PRAME: variants seen among roughly 807,000 people sequenced by gnomAD.
The protein encoded by PRAME is PRAME nuclear receptor transcriptional regulator.
PRAME carries 21 observed loss-of-function variants against 32.1 expected under a neutral mutation model. The ratio of observed to expected loss-of-function variants is 0.65; its 90% confidence interval spans 0.46 to 0.94. PRAME has a LOEUF of 0.94. Ranked by LOEUF, PRAME falls within the 40% of genes least tolerant of loss-of-function variation. PRAME has a pLI of 0.00. For missense variants in PRAME, 651 were observed against 622.3 expected (o/e 1.05, Z -0.49); for synonymous variants, 274 against 251.5 (o/e 1.09, Z -0.85).
intron 3 of PRAME, chr22:22,554,238 C>A: frequency 2.0e-6 from 2 of 985,180 alleles, no homozygotes; most frequent in South Asian, 4.7e-5. Flanking sequence ...CTGCCTCATG[C>A]ACTGTGAAGT....
intron 3 of PRAME, among the ~76,000 whole-genome samples, chr22:22,556,270 T>C (rs972828974): frequency 3.3e-5 from 5 of 151,934 alleles, no homozygotes; most frequent in Non-Finnish European, 5.9e-5. Flanking sequence ...CCCATGGTAC[T>C]GGGATTGGGA....
At chr22:22,554,292 G>A (rs987392872) in intron 3 of PRAME, 1 of 971,984 alleles carries the variant, frequency 1.0e-6, no homozygotes, top group Non-Finnish European at 1.2e-6. Context: ...CAGCTGGAAT[G>A]TCTTGCGGCC....
In PRAME at chr22:22,550,772, G is replaced by A. The variant is rs748633168; in HGVS notation, c.339C>T (p.Arg113=). 6.3e-7 allele frequency: 1 copy of A among 1,578,282 alleles called. No individual in the cohort carries two copies. Among genetic ancestry groups the A allele is most frequent in the East Asian group, 2.3e-5 (1 of 44,356 alleles). ...GLDVLLAQEV[R]PRRWKLQVLD... is the part of the protein sequence containing the mutation. ...AGCTGCTAGGTCACCCTTACCTGGGGCGAACCTCCTGGGCAAGGAGCACAT... is the reference window on the plus strand; with the variant it reads ...AGCTGCTAGGTCACCCTTACCTGGGACGAACCTCCTGGGCAAGGAGCACAT... Residue 113 remains arginine, a synonymous_variant, in exon 4 of 6, where the codon CGC becomes CGT. Transcript: ENST00000405655.
chr22:22,550,008 T>C lies in PRAME; in HGVS notation c.671A>G (p.Lys224Arg), dbSNP rs143423060. ...CAGCTGCACCATTTTCAGGATCATC[T>C]TGATATCCTGCATGGGCATTGCAAA... Reference protein sequence around the residue: ...KIFAMPMQDIKMILKMVQLDS... With the variant: ...KIFAMPMQDIRMILKMVQLDS... The change falls in exon 5 of 6, where the codon AAG (lysine) becomes AGG (arginine). Residue 224 changes from lysine (K) to arginine (R), a missense_variant. Transcript: ENST00000405655. 1.4e-4 allele frequency: 227 copies of C among 1,613,892 alleles called. No individual in the cohort carries two copies. The highest frequency in any genetic ancestry group is 1.8e-4 in the Non-Finnish European group (216 of 1,179,960).
chr22:22,556,735 C>T (rs367557165), intron 3 of PRAME, 77 bp downstream of exon 3: 1 of 1,565,536 alleles, frequency 6.4e-7, no homozygotes, highest in African/African-American at 1.4e-5. Context: ...ATGCAGCTCC[C>T]ATCTGGCTCG....
chr22:22,554,334 G>A (rs1569225941), intron 3 of PRAME: 1 of 804,322 alleles, frequency 1.2e-6, no homozygotes, highest in Non-Finnish European at 1.5e-6. Flanking sequence ...GCGTAAGGAG[G>A]CTGTAATTCG....
rs950655672 is a variant in PRAME, at chr22:22,549,653, A to G, written c.953+73T>C. On this transcript the variant is annotated intron_variant, in intron 5 of 5. Coordinates refer to ENST00000405655, the MANE Select transcript of PRAME (RefSeq NM_206956.3). ...GCATTATTGGTGGCTGGCACATACA[A>G]GATATCCTTTATTGTTTACTGCAAT... The G allele has an allele frequency of 1.2e-5, 18 of 1,502,830 alleles. No homozygotes were observed. In the African/African-American group the frequency reaches 1.8e-4, roughly 15 times the overall value. The allele number at this position is 1,502,830 out of a possible 1,614,324, so 93.1% of individuals were successfully genotyped here. A position where few individuals can be genotyped will look rare whatever the true frequency, so the allele number is the denominator to read the frequency against.
rs764146592 is a variant in PRAME, at chr22:22,550,800, A to T, written c.311T>A (p.Leu104His). The T allele has an allele frequency of 6.2e-7, 1 of 1,604,308 alleles. No individual in the cohort carries two copies. The highest frequency in any genetic ancestry group is 1.7e-4 in the Middle Eastern group (1 of 6,000). The change falls in exon 4 of 6, where the codon CTT (leucine) becomes CAT (histidine). Residue 104 changes from leucine (L) to histidine (H), a missense_variant. Physicochemically the swap from Leu to His is moderately conservative, Grantham distance 99. Transcript: ENST00000405655. Reference sequence around the variant, plus strand: ...AACCTCCTGGGCAAGGAGCACATCAAGTCCATCAAGCACAGCTTTGAAGGT... The same window carrying T: ...AACCTCCTGGGCAAGGAGCACATCATGTCCATCAAGCACAGCTTTGAAGGT... ...LETFKAVLDG[L>H]DVLLAQEVRP...
rs78042798 is a variant in PRAME at position 22,554,973 on chromosome 22, C to G, written c.21+1839G>C. Among the ~76,000 whole-genome samples the G allele has an allele frequency of 7.2e-3, 1,089 of 152,098 alleles. 11 individuals are homozygous for G. The highest frequency in any genetic ancestry group is 0.025 in the African/African-American group (1,056 of 41,502). ...AGTGACACTCCTCTGTCCAGCTTCA[C>G]ACTGCCAGTTTGTCCAGTGGCACTG... On this transcript the variant is annotated intron_variant, in intron 3 of 5. Coordinates refer to ENST00000405655, the MANE Select transcript of PRAME (RefSeq NM_206956.3).
intron 3 of PRAME, chr22:22,554,359 C>T (rs2062777584): frequency 1.5e-6 from 1 of 666,362 alleles, no homozygotes; most frequent in Non-Finnish European, 1.9e-6. Context: ...AGGATGTTTT[C>T]CATTTTGGTT....
At chr22:22,558,647 A>G (rs1460866393) in intron 1 of PRAME, among the ~76,000 whole-genome samples, 3 of 104,108 alleles carry the variant, frequency 2.9e-5, no homozygotes, top group Admixed American at 1.8e-4. Context: ...GCAGGGTGGA[A>G]AAAGGGGGTG....
chr22:22,550,436 C>T (rs570630301), intron 4 of PRAME, 102 bp from the exon 5 acceptor site: 5 of 1,414,080 alleles, frequency 3.5e-6, no homozygotes, highest in African/African-American at 2.9e-5. Context: ...CAGACATCCA[C>T]CTTAGATCTG....
In PRAME at chr22:22,549,853, T is replaced by C. The variant is rs1435170527; in HGVS notation, c.826A>G (p.Ile276Val). The C allele has an allele frequency of 4.3e-6, 7 of 1,613,724 alleles. No individual in the cohort carries two copies. Among genetic ancestry groups the C allele is most frequent in the Admixed American group, 1.7e-5 (1 of 59,982 alleles). The change falls in exon 5 of 6, where the codon ATT (isoleucine) becomes GTT (valine). Residue 276 changes from isoleucine to valine, a missense_variant. Ile to Val is a conservative substitution (Grantham distance 29, BLOSUM62 3). Transcript: ENST00000405655. ...TACTGCTCTTCCTTCTCCGGGGAAA[T>C]GTAGGAAGATGCATGGATGTGGGAG... ...LLSHIHASSY[I>V]SPEKEEQYIA...
At chr22:22,554,272 G>C in intron 3 of PRAME, 1 of 982,530 alleles carries the variant, frequency 1.0e-6, no homozygotes, top group Non-Finnish European at 1.2e-6. Flanking sequence ...ATATTCTACT[G>C]GCAAGTGTCC....
At chr22:22,550,499 T>C (rs2062502368) in intron 4 of PRAME, among the ~76,000 whole-genome samples, 165 bp from the exon 5 acceptor site, 1 of 151,980 alleles carries the variant, frequency 6.6e-6, no homozygotes, top group South Asian at 2.1e-4. Context: ...ACTAGGATCC[T>C]GGGATCCTTC....
rs2062345471 is a variant in PRAME, at chr22:22,548,057, G to A, written c.*10C>T. 2.5e-6 allele frequency: 4 copies of A among 1,600,650 alleles called. No homozygotes were observed. In the African/African-American group the frequency reaches 4.0e-5, roughly 16 times the overall value. On this transcript the variant is annotated 3_prime_UTR_variant, in exon 6 of 6. Coordinates refer to ENST00000405655, the MANE Select transcript of PRAME (RefSeq NM_206956.3). ...GTATGCAGAATGAAGCATTTGATATGTGCACCCAGCTAATTAGGCATGAAA... is the reference window on the plus strand; with the variant it reads ...GTATGCAGAATGAAGCATTTGATATATGCACCCAGCTAATTAGGCATGAAA...
intron 3 of PRAME, among the ~76,000 whole-genome samples, chr22:22,553,115 G>A (rs1283416617): frequency 1.3e-5 from 2 of 151,790 alleles, no homozygotes; most frequent in African/African-American, 2.4e-5. Context: ...AACTGTTAGG[G>A]GAATTTTTGG....
At position 22,549,643 on chromosome 22, in the gene PRAME, G is replaced by C; in HGVS notation, c.953+83C>G. 2.0e-6 allele frequency: 3 copies of C among 1,477,000 alleles called. 1 individual carries two copies. Among genetic ancestry groups the C allele is most frequent in the Middle Eastern group, 5.1e-4 (2 of 3,930 alleles). The allele number at this position is 1,477,000 out of a possible 1,614,324, so 91.5% of individuals were successfully genotyped here. ...GCTCACTCTTGCATTATTGGTGGCT[G>C]GCACATACAAGATATCCTTTATTGT... On this transcript the variant is annotated intron_variant, in intron 5 of 5. Transcript: ENST00000405655.
At chr22:22,549,444 A>C (rs1180532090) in intron 5 of PRAME, among the ~76,000 whole-genome samples, 1 of 151,884 alleles carries the variant, frequency 6.6e-6, no homozygotes, top group Non-Finnish European at 1.5e-5. Context: ...CCTAAGGAAG[A>C]ATGCCTAAAG....
Sources: gnomAD v4.1 joint callset for allele counts (sites outside exome capture counted in the v4.1 genomes callset) on GRCh38, gnomAD v4.1.1 for gene constraint, MANE v1.5 for transcripts, NCBI Gene and HGNC (gene_info 2026-07-23, HGNC 2026-07-21) for gene names.